Variants in AUTS2 observed in about 807,000 individuals in gnomAD.
AUTS2 encodes autism susceptibility gene 2 protein.
A neutral mutation model predicts 112.4 loss-of-function variants in AUTS2; 17 were observed. That is an observed-to-expected ratio of 0.15 (90% CI 0.10 to 0.23). The LOEUF is 0.23. AUTS2 is among the 10% of genes least tolerant of loss of function. The pLI is 1.00. For synonymous variants in AUTS2, 751 were observed against 702.7 expected (o/e 1.07, Z -1.09); for missense variants, 1,510 against 1,701.6 (o/e 0.89, Z 1.98).
At position 69,599,982 on chromosome 7, in the gene AUTS2, C is replaced by G; in HGVS notation, c.309+20C>G. The stretch of plus-strand genomic sequence containing the variant: ...CTGGAGGTAAGGGGGACCCCCCTTC[C>G]CCCGGGTTCCCTTTATGCACGACCC... On this transcript the variant is annotated intron_variant, in intron 1 of 18. Coordinates refer to ENST00000342771, the MANE Select transcript of AUTS2 (RefSeq NM_015570.4). This position sits in a 1 kb window ranked among gnomAD's most constrained non-coding sequence, Gnocchi z 7.0. The G allele has an allele frequency of 6.2e-7, 1 of 1,612,276 alleles. No homozygotes were observed. Among genetic ancestry groups the G allele is most frequent in the Non-Finnish European group, 8.5e-7 (1 of 1,179,332 alleles).
chr7:70,793,006 T>C lies in AUTS2; in HGVS notation c.*2010T>C, dbSNP rs1438456293. On this transcript the variant is annotated 3_prime_UTR_variant, in exon 19 of 19. Transcript: ENST00000342771. The stretch of plus-strand genomic sequence containing the variant: ...GAACAGAAGGCTCACCTGCAGTGGC[T>C]GACCACCCTACCCAACTCGGTTAGT... 1.3e-5 allele frequency: 2 copies of C among 152,580 alleles called. No individual in the cohort carries two copies. The highest frequency in any genetic ancestry group is 2.9e-5 in the Non-Finnish European group (2 of 68,050). The allele number at this position is 152,580 out of a possible 1,614,324, so 9.5% of individuals were successfully genotyped here.
At chr7:70,537,887 A>G (rs1388660030) in intron 5 of AUTS2, among the ~76,000 whole-genome samples, 1 of 152,214 alleles carries the variant, frequency 6.6e-6, no homozygotes, top group Non-Finnish European at 1.5e-5. Context: ...TGGGCTGGGA[A>G]GATGGAGAAT....
intron 4 of AUTS2, among the ~76,000 whole-genome samples, chr7:70,384,055 C>T (rs1482715363): frequency 6.6e-6 from 1 of 152,184 alleles, no homozygotes; most frequent in African/African-American, 2.4e-5. Context: ...GAAAGAAAAA[C>T]CATGAGATTG....
At chr7:70,246,977 G>T (rs1219589307) in intron 4 of AUTS2, among the ~76,000 whole-genome samples, 1 of 151,580 alleles carries the variant, frequency 6.6e-6, no homozygotes, top group South Asian at 2.1e-4. Flanking sequence ...TATAAATGGT[G>T]TCTTGAAAAA....
intron 4 of AUTS2, among the ~76,000 whole-genome samples, chr7:70,376,385 T>A (rs918065588): frequency 1.3e-5 from 2 of 152,142 alleles, no homozygotes; most frequent in Non-Finnish European, 2.9e-5. Flanking sequence ...TCTTTTTTTT[T>A]AAACAACACT....
chr7:69,610,563 C>A (rs1371005256), intron 1 of AUTS2, among the ~76,000 whole-genome samples: 1 of 152,140 alleles, frequency 6.6e-6, no homozygotes, highest in Non-Finnish European at 1.5e-5. Context: ...CACGTGTTCC[C>A]GGTGCTCTGT....
chr7:70,729,500 G>C (rs769622414), intron 6 of AUTS2, among the ~76,000 whole-genome samples: 1 of 152,102 alleles, frequency 6.6e-6, no homozygotes, highest in African/African-American at 2.4e-5. Context: ...TTCAACCCTC[G>C]TTTTCTGTTT....
intron 5 of AUTS2, among the ~76,000 whole-genome samples, chr7:70,535,253 C>G (rs878938155): frequency 3.3e-5 from 5 of 152,068 alleles, no homozygotes; most frequent in African/African-American, 1.2e-4. Context: ...CACTGAGAGC[C>G]TGGCACAGAG....
intron 2 of AUTS2, among the ~76,000 whole-genome samples, chr7:69,954,883 G>A (rs1797157312): frequency 6.6e-6 from 1 of 152,162 alleles, no homozygotes; most frequent in Admixed American, 6.5e-5. Context: ...AGGATTATTA[G>A]AGCTAATCTA....
intron 1 of AUTS2, among the ~76,000 whole-genome samples, chr7:69,847,921 T>C (rs907782779): frequency 1.3e-5 from 2 of 152,214 alleles, no homozygotes; most frequent in African/African-American, 4.8e-5. Flanking sequence ...CACTTCCCAG[T>C]TTCTTCCTTT....
At chr7:69,728,874 G>A (rs926416250) in intron 1 of AUTS2, among the ~76,000 whole-genome samples, 8 of 152,062 alleles carry the variant, frequency 5.3e-5, no homozygotes, top group Non-Finnish European at 1.2e-4. Context: ...CTAGAAAATA[G>A]CCAGTGTCTA....
At chr7:70,408,960 G>A (rs923909994) in intron 4 of AUTS2, among the ~76,000 whole-genome samples, 1 of 152,194 alleles carries the variant, frequency 6.6e-6, no homozygotes, top group African/African-American at 2.4e-5. Flanking sequence ...AAAATATGCT[G>A]ATAGCAATTT....
intron 2 of AUTS2, among the ~76,000 whole-genome samples, chr7:70,063,312 C>T (rs1036977916): frequency 6.6e-6 from 1 of 150,626 alleles, no homozygotes; most frequent in African/African-American, 2.4e-5. Flanking sequence ...CTTTAAATAG[C>T]AAGTTGCTCT....
intron 4 of AUTS2, among the ~76,000 whole-genome samples, chr7:70,392,403 G>A (rs767657660): frequency 6.6e-6 from 1 of 152,176 alleles, no homozygotes; most frequent in Non-Finnish European, 1.5e-5. Context: ...CTTCTGGGAA[G>A]CCTTGCTGTG....
intron 5 of AUTS2, among the ~76,000 whole-genome samples, chr7:70,512,576 G>A (rs1404045902): frequency 1.3e-5 from 2 of 152,132 alleles, no homozygotes; most frequent in African/African-American, 4.8e-5. Flanking sequence ...CATACTGTCA[G>A]CTGACATGAT....
intron 5 of AUTS2, among the ~76,000 whole-genome samples, chr7:70,485,990 AAATAAATAAAT>A (rs1300037253): frequency 3.5e-5 from 5 of 143,360 alleles, no homozygotes; most frequent in Non-Finnish European, 6.1e-5. Context: ...CTTAATTAAA[AAATAAATAAAT>A]AATAAATAAA....
rs58305411 is a variant in AUTS2, at chr7:70,351,923, G to A, written c.661-83829G>A. On this transcript the variant is annotated intron_variant, in intron 4 of 18. Transcript: ENST00000342771. Reference sequence around the variant, plus strand: ...TCACCATGTTAGCCAGGCTGGTCTCGAACTCCTGACCTCAGGTGATCCACC... The same window carrying A: ...TCACCATGTTAGCCAGGCTGGTCTCAAACTCCTGACCTCAGGTGATCCACC... Among the ~76,000 whole-genome samples, 347 of 152,104 alleles carry A rather than the reference G, an allele frequency of 2.3e-3. 2 individuals are homozygous for A. The highest frequency in any genetic ancestry group is 8.1e-3 in the African/African-American group (338 of 41,490).
intron 6 of AUTS2, among the ~76,000 whole-genome samples, chr7:70,712,384 G>A (rs867035827): frequency 3.3e-5 from 5 of 151,778 alleles, no homozygotes; most frequent in Admixed American, 2.6e-4. Flanking sequence ...TTAGCTTTCC[G>A]GTCGCAATGC....
intron 16 of AUTS2, 36 bp from the exon 17 acceptor site, chr7:70,785,919 C>T (rs758421008): frequency 6.2e-7 from 1 of 1,603,708 alleles, no homozygotes; most frequent in Admixed American, 1.7e-5. Flanking sequence ...CCAGCAGAGC[C>T]CCTGACCATT....
Sources: allele counts gnomAD v4.1 joint callset (sites outside exome capture counted in the v4.1 genomes callset), GRCh38; gene constraint gnomAD v4.1.1; non-coding constraint Gnocchi (gnomAD v3.1); transcripts MANE v1.5; gene names NCBI Gene and HGNC (gene_info 2026-07-23, HGNC 2026-07-21).